C5orf63: variants seen among roughly 807,000 people sequenced by gnomAD.
C5orf63 encodes chromosome 5 open reading frame 63, also known as glutaredoxin-like protein C5orf63.
Under a neutral mutation model 13.3 loss-of-function variants are expected in C5orf63, and 18 were observed. The ratio of observed to expected loss-of-function variants is 1.36; its 90% CI spans 0.94 to 2.01. The LOEUF (loss-of-function observed/expected upper bound fraction) is 2.01, where lower values mean the gene tolerates loss of function less well. Ranked by LOEUF, C5orf63 falls within the 30% of genes most tolerant of loss-of-function variation. The pLI, the probability that C5orf63 is intolerant of heterozygous loss-of-function variation, is 0.00. For missense variants in C5orf63, 118 were observed against 127.7 expected, an observed-to-expected ratio of 0.92 and a Z score of 0.36; for synonymous variants, 38 against 44.7, an observed-to-expected ratio of 0.85 and a Z score of 0.60.
chr5:127,059,332 G>C (rs1353197535), intron 2 of C5orf63, among the ~76,000 whole-genome samples: 3 of 152,146 alleles, frequency 2.0e-5, no homozygotes, highest in Non-Finnish European at 4.4e-5. Context: ...GCATCTTGAT[G>C]ATCCCCTAAA....
chr5:127,058,546 A>T (rs1329758343), intron 3 of C5orf63, among the ~76,000 whole-genome samples: 1 of 152,246 alleles, frequency 6.6e-6, no homozygotes, highest in African/African-American at 2.4e-5. Context: ...TCATTAATTC[A>T]GCGTTCAAGG....
chr5:127,055,985 C>G (rs1753870984), intron 3 of C5orf63, among the ~76,000 whole-genome samples: 1 of 152,120 alleles, frequency 6.6e-6, no homozygotes, highest in South Asian at 2.1e-4. Flanking sequence ...TTCAAATATC[C>G]TTCTCTAGGA....
chr5:127,072,109 G>A (rs1203693530), intron 1 of C5orf63: 1 of 152,208 alleles, frequency 6.6e-6, no homozygotes, highest in Non-Finnish European at 1.5e-5. Flanking sequence ...GAGCAGGAGG[G>A]AAGAAAGACA....
chr5:127,064,827 T>C (rs1754258596), intron 2 of C5orf63, among the ~76,000 whole-genome samples: 2 of 152,246 alleles, frequency 1.3e-5, no homozygotes, highest in African/African-American at 2.4e-5. Flanking sequence ...CATTAATTTG[T>C]ATTCAACACA....
chr5:127,051,030 A>T (rs576367092), downstream of C5orf63, among the ~76,000 whole-genome samples: 4 of 152,318 alleles, frequency 2.6e-5, no homozygotes, highest in African/African-American at 4.8e-5. Context: ...AATTTGACTT[A>T]AAAAAACCTA....
At position 127,051,616 on chromosome 5, in the gene C5orf63, C is replaced by G. The variant is rs78025853; in HGVS notation, c.*155G>C. 0.017 allele frequency: 21,447 copies of G among 1,284,890 alleles called. 478 individuals carry two copies. The highest frequency in any genetic ancestry group is 0.11 in the South Asian group (3,642 of 32,920). 79.6% of individuals were successfully genotyped at this position (1,284,890 alleles called of 1,614,324 possible). ...ACAGTTCCCACACTGATACTTCCATCAACCAAAAGGGGAATGTCAACATTT... is the reference window on the plus strand; with the variant it reads ...ACAGTTCCCACACTGATACTTCCATGAACCAAAAGGGGAATGTCAACATTT... On this transcript the variant is annotated 3_prime_UTR_variant, in exon 5 of 5. Coordinates refer to ENST00000296662, the MANE Select transcript of C5orf63 (RefSeq NM_001164478.2).
At chr5:127,071,261 A>G (rs1322665224) in intron 2 of C5orf63, among the ~76,000 whole-genome samples, 3 of 152,250 alleles carry the variant, frequency 2.0e-5, no homozygotes, top group African/African-American at 7.2e-5. Context: ...ACTAGATATT[A>G]CTGGTGAAAT....
downstream of C5orf63, chr5:127,044,997 C>A (rs1394881217): frequency 6.6e-6 from 1 of 152,020 alleles, no homozygotes; most frequent in African/African-American, 2.4e-5. Context: ...GTCTTTAGCT[C>A]CTTTCTGGAT....
At chr5:127,063,335 A>G (rs1303421085) in intron 2 of C5orf63, among the ~76,000 whole-genome samples, 1 of 152,248 alleles carries the variant, frequency 6.6e-6, no homozygotes, top group African/African-American at 2.4e-5. Flanking sequence ...TGATTATAGT[A>G]CAGAAAGAAG....
downstream of C5orf63, among the ~76,000 whole-genome samples, chr5:127,048,348 G>T (rs888741093): frequency 1.3e-5 from 2 of 151,226 alleles, no homozygotes; most frequent in Non-Finnish European, 2.9e-5. Flanking sequence ...TGCCTTCACT[G>T]TACAGCCAAA....
intron 2 of C5orf63, among the ~76,000 whole-genome samples, chr5:127,063,152 T>C (rs945933559): frequency 2.6e-5 from 4 of 152,226 alleles, no homozygotes; most frequent in Admixed American, 2.6e-4. Flanking sequence ...AGAAAGGGAA[T>C]GCTGGCCTTT....
intron 2 of C5orf63, among the ~76,000 whole-genome samples, chr5:127,060,115 G>A (rs1230278220): frequency 6.6e-6 from 1 of 151,934 alleles, no homozygotes; most frequent in Non-Finnish European, 1.5e-5. Context: ...TCCAACCTGG[G>A]CAACAAGAGC....
At chr5:127,064,969 C>G (rs147745152) in intron 2 of C5orf63, among the ~76,000 whole-genome samples, 1 of 152,180 alleles carries the variant, frequency 6.6e-6, no homozygotes, top group Non-Finnish European at 1.5e-5. Flanking sequence ...TTCTAGTTCT[C>G]AGTAACATTA....
chr5:127,048,374 A>T (rs1035228036), downstream of C5orf63, among the ~76,000 whole-genome samples: 11 of 151,944 alleles, frequency 7.2e-5, no homozygotes, highest in African/African-American at 2.2e-4. Context: ...TTGCTAAACT[A>T]TCTCTTGCCT....
chr5:127,063,785 T>C (rs996400633), intron 2 of C5orf63, among the ~76,000 whole-genome samples: 7 of 152,244 alleles, frequency 4.6e-5, no homozygotes, highest in African/African-American at 1.7e-4. Context: ...TCAGGGCTTC[T>C]GTTCAGTCAT....
intron 2 of C5orf63, among the ~76,000 whole-genome samples, chr5:127,060,483 A>G (rs902422543): frequency 1.3e-5 from 2 of 152,228 alleles, no homozygotes; most frequent in Admixed American, 1.3e-4. Context: ...TTTTGTCCTG[A>G]AAACTGTAAA....
downstream of C5orf63, among the ~76,000 whole-genome samples, chr5:127,050,114 C>T (rs542213682): frequency 9.9e-5 from 15 of 152,260 alleles, no homozygotes; most frequent in African/African-American, 2.6e-4. Context: ...CACCCAGTTA[C>T]GTCAGGCCCA....
intron 3 of C5orf63, among the ~76,000 whole-genome samples, chr5:127,054,930 G>C (rs560823094): frequency 6.6e-6 from 1 of 152,144 alleles, no homozygotes; most frequent in Non-Finnish European, 1.5e-5. Context: ...GTAAGGAAGG[G>C]ATCCAGTTTC....
At chr5:127,049,473 A>C (rs1753604629), downstream of C5orf63, among the ~76,000 whole-genome samples, 2 of 152,202 alleles carry the variant, frequency 1.3e-5, no homozygotes, top group South Asian at 4.1e-4. Flanking sequence ...TTTTCTGTGA[A>C]TCATTCCTGC....
Sources: allele counts gnomAD v4.1 joint callset (sites outside exome capture counted in the v4.1 genomes callset), GRCh38; gene constraint gnomAD v4.1.1; transcripts MANE v1.5; gene names NCBI Gene and HGNC (gene_info 2026-07-23, HGNC 2026-07-21).